Variants in INPP5D observed in about 807,000 individuals in gnomAD.
The protein encoded by INPP5D is phosphatidylinositol 3,4,5-trisphosphate 5-phosphatase 1.
INPP5D carries 33 observed loss-of-function variants against 122.9 expected under a neutral mutation model. That is an observed-to-expected ratio of 0.27 (90% CI 0.20 to 0.36). INPP5D has a LOEUF of 0.36. Ranked by LOEUF, INPP5D falls within the 10% of genes least tolerant of loss-of-function variation. INPP5D has a pLI of 1.00. For synonymous variants in INPP5D, 584 were observed against 576.2 expected (o/e 1.01, Z -0.19); for missense variants, 1,053 against 1,412.7 (o/e 0.75, Z 4.08).
rs1048623203 is a variant in INPP5D at position 233,207,413 on chromosome 2, T to C, written c.*705T>C. The C allele has an allele frequency of 6.6e-6, 1 of 152,578 alleles. No homozygotes were observed. The highest frequency in any genetic ancestry group is 2.4e-5 in the African/African-American group (1 of 41,464). The allele number at this position is 152,578 out of a possible 1,614,324, so 9.5% of individuals were successfully genotyped here. A position where few individuals can be genotyped will look rare whatever the true frequency, so the allele number is the denominator to read the frequency against. ...GGCTGAGAGCAGGGATCTACCTGGC[T>C]TCTCAGTTCTTTGGTTGGAAGGAGC... On this transcript the variant is annotated 3_prime_UTR_variant, in exon 27 of 27. Coordinates refer to ENST00000445964, the MANE Select transcript of INPP5D (RefSeq NM_001017915.3). This position sits in a 1 kb window ranked among gnomAD's most constrained non-coding sequence, Gnocchi z 4.6.
rs986617248 is a variant in INPP5D at position 233,079,495 on chromosome 2, A to C, written c.198+97A>C. ...TGAGGAAGGAAGTGCACGCGCAGGT[A>C]GCCGGACGTGAAGGCCTGGCTGAGC... is the stretch of plus-strand genomic sequence containing the variant. On this transcript the variant is annotated intron_variant, in intron 2 of 26. Transcript: ENST00000445964. 3.6e-6 allele frequency: 3 copies of C among 826,620 alleles called. No homozygotes were observed. In the African/African-American group the frequency reaches 5.0e-5, roughly 14 times the overall value. The allele number at this position is 826,620 out of a possible 1,614,324, so 51.2% of individuals were successfully genotyped here. A position where few individuals can be genotyped will look rare whatever the true frequency, so the allele number is the denominator to read the frequency against.
chr2:233,148,711 T>C (rs1693839003), intron 9 of INPP5D, among the ~76,000 whole-genome samples: 2 of 152,092 alleles, frequency 1.3e-5, no homozygotes, highest in South Asian at 4.2e-4. Context: ...TTCATCTGGG[T>C]GGCCAATGGG....
chr2:233,110,049 T>C (rs62194591), intron 2 of INPP5D, among the ~76,000 whole-genome samples: 67 of 136,962 alleles, frequency 4.9e-4, no homozygotes, highest in African/African-American at 1.9e-3. Flanking sequence ...CATGCTCAGC[T>C]AATTTTTTTT....
intron 23 of INPP5D, 39 bp downstream of exon 23, chr2:233,194,000 C>T: frequency 6.5e-7 from 1 of 1,538,396 alleles, no homozygotes; most frequent in South Asian, 1.2e-5. Context: ...TCTTCAGCCC[C>T]CCACTTAGGG....
At position 233,082,990 on chromosome 2, in the gene INPP5D, T is replaced by G. The variant is rs1691730292; in HGVS notation, c.198+3592T>G. On this transcript the variant is annotated intron_variant, in intron 2 of 26. Coordinates refer to ENST00000445964, the MANE Select transcript of INPP5D (RefSeq NM_001017915.3). This position sits in a 1 kb window ranked among gnomAD's most constrained non-coding sequence, Gnocchi z 4.7. ...AGGGCAATGTGGCCTCTCAGAGAGC[T>G]TGGCCTCTTGCCCTTCACATGGTTA... 6.6e-6 allele frequency among the ~76,000 whole-genome samples: 1 copy of G among 152,220 alleles called. No homozygotes were observed. Among genetic ancestry groups the G allele is most frequent in the Non-Finnish European group, 1.5e-5 (1 of 68,034 alleles).
In INPP5D at chr2:233,204,805, CAT is replaced by C. The variant is rs747399245; in HGVS notation, c.3567+89_3567+90del. ...GTGTGTACCTATGCATATGTGTGTG[CAT>C]GTGTGTGTGCACGCATGCATATGTG... On this transcript the variant is annotated intron_variant, in intron 26 of 26. Coordinates refer to ENST00000445964, the MANE Select transcript of INPP5D (RefSeq NM_001017915.3). 39 of 1,427,238 alleles carry C rather than the reference CAT, an allele frequency of 2.7e-5. No homozygotes were observed. The African/African-American group carries it at 4.8e-4, about 17-fold the overall frequency. The allele number at this position is 1,427,238 out of a possible 1,614,324, so 88.4% of individuals were successfully genotyped here.
At position 233,146,089 on chromosome 2, in the gene INPP5D, G is replaced by T. The variant is rs995313759; in HGVS notation, c.754-73G>T. The T allele has an allele frequency of 1.8e-5, 13 of 704,078 alleles. No individual in the cohort carries two copies. The Admixed American group carries it at 2.4e-4, about 13-fold the overall frequency. The allele number at this position is 704,078 out of a possible 1,614,324, so 43.6% of individuals were successfully genotyped here. On this transcript the variant is annotated intron_variant, in intron 6 of 26. Transcript: ENST00000445964. ...GCTGGAATGGGGTGAGGTGCAGAGAGAACCCAGAGCATTGCCTCTCGATGG... is the reference window on the plus strand; with the variant it reads ...GCTGGAATGGGGTGAGGTGCAGAGATAACCCAGAGCATTGCCTCTCGATGG...
chr2:233,125,105 CCTT>C (rs1348083892), intron 3 of INPP5D, among the ~76,000 whole-genome samples: 40 of 152,256 alleles, frequency 2.6e-4, no homozygotes, highest in African/African-American at 9.4e-4. Flanking sequence ...ACAGAATGAA[CCTT>C]CTCCTAAAGG....
At chr2:233,156,885 A>G (rs2106288847) in intron 9 of INPP5D, among the ~76,000 whole-genome samples, 1 of 152,296 alleles carries the variant, frequency 6.6e-6, no homozygotes, top group East Asian at 1.9e-4. Flanking sequence ...CCCGAAATCT[A>G]AGTTCCCAGA....
chr2:233,134,042 G>A (rs536953469), intron 5 of INPP5D: 37 of 456,128 alleles, frequency 8.1e-5, no homozygotes, highest in East Asian at 1.4e-4. Context: ...CAGATTTGCC[G>A]CTTGATTGGA....
intron 2 of INPP5D, among the ~76,000 whole-genome samples, chr2:233,087,772 T>C (rs1432584730): frequency 6.6e-6 from 1 of 152,226 alleles, no homozygotes; most frequent in Non-Finnish European, 1.5e-5. Context: ...GTGCTACAGG[T>C]TTCACTTAAA....
intron 3 of INPP5D, among the ~76,000 whole-genome samples, chr2:233,122,658 T>G (rs1224295569): frequency 1.3e-5 from 2 of 151,916 alleles, no homozygotes; most frequent in Non-Finnish European, 1.5e-5. Context: ...TTTAAAAAAT[T>G]TATTCAGGCA....
At chr2:233,140,161 C>A (rs1204849539) in intron 6 of INPP5D, 1 of 317,320 alleles carries the variant, frequency 3.2e-6, no homozygotes, top group Non-Finnish European at 5.7e-6. Flanking sequence ...TCAAATTATG[C>A]ACTCATCAGC....
At chr2:233,176,435 G>A in intron 17 of INPP5D, among the ~76,000 whole-genome samples, 1 of 151,700 alleles carries the variant, frequency 6.6e-6, no homozygotes, top group African/African-American at 2.4e-5. Flanking sequence ...GTGAATGGAT[G>A]GATGGATGGA....
intron 13 of INPP5D, among the ~76,000 whole-genome samples, chr2:233,167,553 C>T (rs566074824): frequency 2.0e-5 from 3 of 152,282 alleles, no homozygotes; most frequent in Non-Finnish European, 1.5e-5. Flanking sequence ...GTCACCCTCC[C>T]AGGTTGCGGG....
chr2:233,062,304 G>A (rs1265170256), intron 1 of INPP5D, among the ~76,000 whole-genome samples: 1 of 152,174 alleles, frequency 6.6e-6, no homozygotes, highest in Non-Finnish European at 1.5e-5. Flanking sequence ...ACAGACATGG[G>A]GCGTGGGTCT....
intron 2 of INPP5D, among the ~76,000 whole-genome samples, chr2:233,086,237 G>C (rs1691845556): frequency 6.7e-6 from 1 of 149,118 alleles, no homozygotes. Context: ...GGAGGGCAAT[G>C]GCATGATCTC....
chr2:233,110,319 T>C (rs1262380453), intron 2 of INPP5D, among the ~76,000 whole-genome samples: 1 of 152,028 alleles, frequency 6.6e-6, no homozygotes, highest in African/African-American at 2.4e-5. Flanking sequence ...CCTCCCAAAG[T>C]GCTGGGATTA....
rs772693598 is a variant in INPP5D, at chr2:233,145,840, G to A, written c.754-322G>A. Reference sequence around the variant, plus strand: ...GGAAGTAGGACGGGAACACCATGCAGCAGGTGTAGGAGGGAGGAAAGGTAA... The same window carrying A: ...GGAAGTAGGACGGGAACACCATGCAACAGGTGTAGGAGGGAGGAAAGGTAA... On this transcript the variant is annotated intron_variant, in intron 6 of 26. Coordinates refer to ENST00000445964, the MANE Select transcript of INPP5D (RefSeq NM_001017915.3). The A allele has an allele frequency of 9.3e-4, 469 of 502,634 alleles. 1 individual carries two copies. The highest frequency in any genetic ancestry group is 1.5e-3 in the Non-Finnish European group (396 of 259,272). 31.1% of individuals were successfully genotyped at this position (502,634 alleles called of 1,614,324 possible).
Sources: allele counts gnomAD v4.1 joint callset (sites outside exome capture counted in the v4.1 genomes callset), GRCh38; gene constraint gnomAD v4.1.1; non-coding constraint Gnocchi (gnomAD v3.1); transcripts MANE v1.5; gene names NCBI Gene and HGNC (gene_info 2026-07-23, HGNC 2026-07-21).